The following LIMK2 variants were observed in gnomAD, a reference collection of about 807,000 sequenced individuals.
LIMK2 encodes LIM domain kinase 2.
Under a neutral mutation model 75.7 loss-of-function variants are expected in LIMK2, and 35 were observed. The observed-to-expected ratio is 0.46, with a 90% CI of 0.35 to 0.61. The LOEUF (loss-of-function observed/expected upper bound fraction) is 0.61, where lower values mean the gene tolerates loss of function less well. Ranked by LOEUF, LIMK2 falls within the 20% of genes least tolerant of loss-of-function variation. The probability of loss-of-function intolerance (pLI) is 0.00; values close to 1 mark genes in which losing one functional copy is unlikely to be tolerated. For synonymous variants in LIMK2, 301 were observed against 319.2 expected (o/e 0.94, Z 0.61); for missense variants, 623 against 831.0 (o/e 0.75, Z 3.08).
chr22:31,223,515 G>A (rs1244599781), intron 1 of LIMK2, among the ~76,000 whole-genome samples: 1 of 152,052 alleles, frequency 6.6e-6, no homozygotes, highest in African/African-American at 2.4e-5. Context: ...CTGGGGGTGG[G>A]GCATGGCAGC....
intron 15 of LIMK2, chr22:31,276,779 C>T (rs1261261182): frequency 1.9e-6 from 3 of 1,605,026 alleles, no homozygotes; most frequent in Non-Finnish European, 2.5e-6. Context: ...GACCACGCAT[C>T]TACTTTCAGA....
intron 5 of LIMK2, among the ~76,000 whole-genome samples, chr22:31,260,352 G>C (rs1482421395): frequency 6.6e-6 from 1 of 152,218 alleles, no homozygotes; most frequent in Non-Finnish European, 1.5e-5. Flanking sequence ...CATCTGGCTT[G>C]ATTATGTGTA....
intron 1 of LIMK2, among the ~76,000 whole-genome samples, chr22:31,218,045 C>G (rs1356034136): frequency 6.6e-6 from 1 of 152,124 alleles, no homozygotes; most frequent in Non-Finnish European, 1.5e-5. Context: ...TCAGCTTAAC[C>G]TTTTCCCCAG....
intron 5 of LIMK2, 26 bp downstream of exon 5, chr22:31,260,103 A>C: frequency 6.5e-7 from 1 of 1,527,656 alleles, no homozygotes; most frequent in East Asian, 2.4e-5. Flanking sequence ...ACCCTTCAGC[A>C]GGGGTTCTTG....
At position 31,278,694 on chromosome 22, in the gene LIMK2, A is replaced by C. The variant is rs879222446; in HGVS notation, c.*253A>C. ...CCTGAAAGCTGTGAAGAAGAAAAAA[A>C]CCCCTGGCCTTTGGGCCAGGAGGAA... On this transcript the variant is annotated 3_prime_UTR_variant, in exon 16 of 16. Transcript: ENST00000331728. 4 of 339,208 alleles carry C rather than the reference A, an allele frequency of 1.2e-5. No individual in the cohort carries two copies. The East Asian group carries it at 1.9e-4, about 16-fold the overall frequency. The allele number at this position is 339,208 out of a possible 1,614,324, so 21.0% of individuals were successfully genotyped here.
chr22:31,225,899 A>T, intron 2 of LIMK2, 80 bp downstream of exon 2: 2 of 1,056,192 alleles, frequency 1.9e-6, no homozygotes, highest in Non-Finnish European at 2.9e-6. Context: ...AAACACAGAA[A>T]CAAGCTTCTG....
chr22:31,246,880 C>G (rs770749323), intron 2 of LIMK2, among the ~76,000 whole-genome samples: 1 of 152,116 alleles, frequency 6.6e-6, no homozygotes, highest in Non-Finnish European at 1.5e-5. Context: ...ATGACGTTTC[C>G]TCCTTTTACT....
chr22:31,257,204 A>G (rs2048793181), intron 2 of LIMK2, among the ~76,000 whole-genome samples: 1 of 151,922 alleles, frequency 6.6e-6, no homozygotes, highest in South Asian at 2.1e-4. Flanking sequence ...CTATGGATCT[A>G]ACATGTACAT....
At chr22:31,277,369 CA>C (rs1293845813) in intron 15 of LIMK2, 12 of 1,352,448 alleles carry the variant, frequency 8.9e-6, no homozygotes, top group Non-Finnish European at 1.0e-5. Context: ...GACTCTGCGG[CA>C]CGGGCCCTTT....
intron 2 of LIMK2, among the ~76,000 whole-genome samples, chr22:31,227,502 A>G (rs2123778582): frequency 6.6e-6 from 1 of 152,328 alleles, no homozygotes; most frequent in East Asian, 1.9e-4. Context: ...AGAGCTCTCA[A>G]GTCTTTTCTG....
chr22:31,243,470 G>GTC (rs1261121720), intron 2 of LIMK2, among the ~76,000 whole-genome samples: 2 of 152,216 alleles, frequency 1.3e-5, no homozygotes, highest in African/African-American at 4.8e-5. Context: ...ACAAAAGGTT[G>GTC]GGGTGATTCA....
chr22:31,214,521 T>A (rs1412298254), intron 1 of LIMK2, among the ~76,000 whole-genome samples: 1 of 151,638 alleles, frequency 6.6e-6, no homozygotes, highest in Non-Finnish European at 1.5e-5. Flanking sequence ...TTGCCCACGG[T>A]GGTTTCAAGC....
chr22:31,271,045 C>A, intron 11 of LIMK2, 91 bp from the exon 12 acceptor site: 1 of 1,197,208 alleles, frequency 8.4e-7, no homozygotes, highest in Non-Finnish European at 1.2e-6. Flanking sequence ...TGGGCATGGC[C>A]TGGTAGGAGA....
At chr22:31,221,549 A>T (rs896985150) in intron 1 of LIMK2, among the ~76,000 whole-genome samples, 5 of 152,068 alleles carry the variant, frequency 3.3e-5, no homozygotes, top group Non-Finnish European at 5.9e-5. Flanking sequence ...CAGTGGAATG[A>T]TCTTGGCTCA....
chr22:31,277,354 ATAT>A, intron 15 of LIMK2: 1 of 1,389,574 alleles, frequency 7.2e-7, no homozygotes. Context: ...TTGTGTTTTT[ATAT>A]TGACTCTGCG....
At position 31,262,511 on chromosome 22, in the gene LIMK2, C is replaced by T. The variant is rs2048850677; in HGVS notation, c.658-84C>T. 2 of 1,343,878 alleles carry T rather than the reference C, an allele frequency of 1.5e-6. No individual in the cohort carries two copies. Among genetic ancestry groups the T allele is most frequent in the African/African-American group, 1.4e-5 (1 of 69,160 alleles). 83.2% of individuals were successfully genotyped at this position (1,343,878 alleles called of 1,614,324 possible). A position where few individuals can be genotyped will look rare whatever the true frequency, so the allele number is the denominator to read the frequency against. ...CATTAGACAAGTTGAGCACTGGCCA[C>T]ACTGTGCCTGAGTCATCTGGGTTGG... is the stretch of plus-strand genomic sequence containing the variant. On this transcript the variant is annotated intron_variant, in intron 6 of 15. Transcript: ENST00000331728. This position sits in a 1 kb window ranked among gnomAD's most constrained non-coding sequence, Gnocchi z 5.0.
intron 2 of LIMK2, among the ~76,000 whole-genome samples, chr22:31,246,183 G>GCGCGCACACACACACACACA (rs746599250): frequency 4.4e-5 from 6 of 134,996 alleles, no homozygotes; most frequent in Non-Finnish European, 4.8e-5. Flanking sequence ...ACGCACGCAC[G>GCGCGCACACACACACACACA]CACACACACA....
At chr22:31,222,686 G>A (rs1442453629) in intron 1 of LIMK2, 5 of 152,114 alleles carry the variant, frequency 3.3e-5, no homozygotes, top group African/African-American at 1.2e-4. Context: ...AAGGATGGTA[G>A]CTAGAGGAGA....
chr22:31,250,021 C>T (rs185744783), intron 2 of LIMK2, among the ~76,000 whole-genome samples: 14 of 152,298 alleles, frequency 9.2e-5, no homozygotes, highest in East Asian at 5.8e-4. Context: ...CTGACTTTCT[C>T]TCATCCTTCA....
Sources: allele counts gnomAD v4.1 joint callset (sites outside exome capture counted in the v4.1 genomes callset), GRCh38; gene constraint gnomAD v4.1.1; non-coding constraint Gnocchi (gnomAD v3.1); transcripts MANE v1.5; gene names NCBI Gene and HGNC (gene_info 2026-07-23, HGNC 2026-07-21).